The following KCNMA1 variants were observed in gnomAD, a reference collection of about 807,000 sequenced individuals.
KCNMA1 encodes Calcium-activated potassium channel subunit alpha-1.
In KCNMA1, 29 loss-of-function variants were observed where a neutral mutation model predicts 140.0. The ratio of observed to expected loss-of-function variants is 0.21; its 90% CI spans 0.15 to 0.28. KCNMA1 has a LOEUF of 0.28. KCNMA1 is among the 10% of genes least tolerant of loss of function. The probability of loss-of-function intolerance (pLI) is 1.00; values close to 1 mark genes in which losing one functional copy is unlikely to be tolerated. For missense variants in KCNMA1, 880 were observed against 1,602.2 expected (o/e 0.55, Z 7.70); for synonymous variants, 612 against 611.9 (o/e 1.00, Z 0.00).
intron 1 of KCNMA1, among the ~76,000 whole-genome samples, chr10:77,570,626 T>G: frequency 7.6e-6 from 1 of 131,948 alleles, no homozygotes; most frequent in Admixed American, 7.5e-5. Flanking sequence ...TTGGGAGATA[T>G]ACCTAATGCT....
intron 5 of KCNMA1, among the ~76,000 whole-genome samples, chr10:77,126,735 C>CCCCCCCCCA (rs1554849516): frequency 6.9e-6 from 1 of 144,008 alleles, no homozygotes; most frequent in African/African-American, 2.5e-5. Context: ...ACCCCCCCCC[C>CCCCCCCCCA]ACCACCACAC....
At chr10:77,039,185 G>T (rs923505229) in intron 15 of KCNMA1, 1 of 350,146 alleles carries the variant, frequency 2.9e-6, no homozygotes, top group Non-Finnish European at 5.4e-6. Context: ...GATTTGTTTT[G>T]CCCTCTTAGA....
intron 18 of KCNMA1, among the ~76,000 whole-genome samples, chr10:77,011,456 G>A (rs2090725565): frequency 6.6e-6 from 1 of 152,126 alleles, no homozygotes; most frequent in Admixed American, 6.5e-5. Context: ...CTTTTCTTGG[G>A]GGCAGTCTGA....
chr10:77,442,882 G>A (rs148483544), intron 1 of KCNMA1, among the ~76,000 whole-genome samples: 199 of 152,270 alleles, frequency 1.3e-3, no homozygotes, highest in Middle Eastern at 6.8e-3. Context: ...GAATCCAAAC[G>A]CATTTCCCTG....
At chr10:77,558,139 C>A (rs565161026) in intron 1 of KCNMA1, among the ~76,000 whole-genome samples, 1 of 152,094 alleles carries the variant, frequency 6.6e-6, no homozygotes, top group Non-Finnish European at 1.5e-5. Context: ...TTTCTTACCC[C>A]CTATGAATGG....
chr10:76,984,910 G>A (rs1345919436), intron 19 of KCNMA1, among the ~76,000 whole-genome samples: 1 of 152,202 alleles, frequency 6.6e-6, no homozygotes, highest in Non-Finnish European at 1.5e-5. Flanking sequence ...GAGAAATAAA[G>A]GAGACAATCT....
chr10:77,152,528 TG>T (rs1238528777), intron 5 of KCNMA1, among the ~76,000 whole-genome samples: 3 of 124,148 alleles, frequency 2.4e-5, no homozygotes, highest in Non-Finnish European at 5.3e-5. Context: ...AAAATCCCAC[TG>T]GGGTACTCTG....
At chr10:77,326,712 T>C (rs1565997186) in intron 2 of KCNMA1, among the ~76,000 whole-genome samples, 1 of 152,202 alleles carries the variant, frequency 6.6e-6, no homozygotes, top group Non-Finnish European at 1.5e-5. Flanking sequence ...CTATTGATAA[T>C]ATTTTCATGT....
rs544095112 is a variant in KCNMA1 at position 76,970,054 on chromosome 10, C to T, written c.2280G>A (p.Gln760=). 2.1e-5 allele frequency: 34 copies of T among 1,613,810 alleles called. No homozygotes were observed. In the East Asian group the frequency reaches 7.1e-4, roughly 34 times the overall value. ...STSFRAFEDE[Q]PSTLSPKKKQ... is the part of the protein sequence containing the mutation. ...TTTTTTTTGGTGATAGTGTTGACGG[C>T]TGCTCATCTTCAACTGGAAATACAG... is the stretch of plus-strand genomic sequence containing the variant. The change falls in exon 20 of 28, where the codon CAG becomes CAA. Residue 760 remains glutamine, a synonymous_variant. Coordinates refer to ENST00000286628, the MANE Select transcript of KCNMA1 (RefSeq NM_001161352.2).
intron 1 of KCNMA1, among the ~76,000 whole-genome samples, chr10:77,494,497 G>A (rs1187367132): frequency 6.6e-6 from 1 of 152,220 alleles, no homozygotes; most frequent in Non-Finnish European, 1.5e-5. Flanking sequence ...CCCAGAGTCA[G>A]TCAATGTCAG....
intron 19 of KCNMA1, among the ~76,000 whole-genome samples, chr10:76,997,960 G>C (rs535397044): frequency 1.3e-5 from 2 of 152,178 alleles, no homozygotes; most frequent in South Asian, 4.1e-4. Flanking sequence ...AATCCTTATC[G>C]GTCACAATTT....
At chr10:76,981,834 A>C (rs1176264880) in intron 19 of KCNMA1, among the ~76,000 whole-genome samples, 1 of 152,194 alleles carries the variant, frequency 6.6e-6, no homozygotes, top group Non-Finnish European at 1.5e-5. Flanking sequence ...TAGGCTTATA[A>C]GCTCCTCTGT....
chr10:77,312,892 C>G (rs1202892956), intron 2 of KCNMA1, among the ~76,000 whole-genome samples: 1 of 152,176 alleles, frequency 6.6e-6, no homozygotes, highest in Non-Finnish European at 1.5e-5. Flanking sequence ...TCAGCTACCC[C>G]TTTTCTGGAG....
chr10:77,190,922 T>C (rs1158841326), intron 3 of KCNMA1, among the ~76,000 whole-genome samples: 1 of 152,172 alleles, frequency 6.6e-6, no homozygotes, highest in Non-Finnish European at 1.5e-5. Flanking sequence ...AGAACAAGGA[T>C]GAAGATAATG....
intron 2 of KCNMA1, among the ~76,000 whole-genome samples, chr10:77,370,079 G>A (rs375172743): frequency 5.3e-5 from 8 of 152,290 alleles, no homozygotes; most frequent in East Asian, 3.9e-4. Flanking sequence ...ATTGAATGTC[G>A]TCTGAAGTCA....
intron 1 of KCNMA1, among the ~76,000 whole-genome samples, chr10:77,476,726 G>C (rs1377821912): frequency 6.6e-6 from 1 of 152,244 alleles, no homozygotes; most frequent in African/African-American, 2.4e-5. Flanking sequence ...CTGCTCTTAT[G>C]ATGAAAGCTC....
chr10:77,352,435 G>T (rs1410551161), intron 2 of KCNMA1, among the ~76,000 whole-genome samples: 1 of 152,156 alleles, frequency 6.6e-6, no homozygotes, highest in Non-Finnish European at 1.5e-5. Context: ...TGATGGAAAT[G>T]TTCTCTATCT....
chr10:77,007,741 A>G (rs1285155484), intron 18 of KCNMA1, among the ~76,000 whole-genome samples: 1 of 149,478 alleles, frequency 6.7e-6, no homozygotes, highest in Non-Finnish European at 1.5e-5. Flanking sequence ...TCCAAGCTCA[A>G]TAACAAAGGA....
At chr10:77,605,724 C>T (rs1034151173) in intron 1 of KCNMA1, among the ~76,000 whole-genome samples, 5 of 152,252 alleles carry the variant, frequency 3.3e-5, no homozygotes, top group African/African-American at 1.2e-4. Context: ...AGCTTTCCCA[C>T]ATCCCAGGCC....
Sources: gnomAD v4.1 joint callset for allele counts (sites outside exome capture counted in the v4.1 genomes callset) on GRCh38, gnomAD v4.1.1 for gene constraint, MANE v1.5 for transcripts, NCBI Gene and HGNC (gene_info 2026-07-23, HGNC 2026-07-21) for gene names.